The following MACF1 variants were observed in gnomAD, a reference collection of about 807,000 sequenced individuals.
MACF1 encodes microtubule actin crosslinking factor 1.
MACF1 carries 193 observed loss-of-function variants against 854.8 expected under a neutral mutation model. The observed-to-expected ratio is 0.23, with a 90% CI of 0.20 to 0.25. The LOEUF is 0.25. Among genes scored for constraint, MACF1 ranks in the 10% least tolerant of loss-of-function variants. The probability of loss-of-function intolerance (pLI) is 1.00; values close to 1 mark genes in which losing one functional copy is unlikely to be tolerated. For synonymous variants in MACF1, 3,185 were observed against 3,226.7 expected, an observed-to-expected ratio of 0.99 and a Z score of 0.44; for missense variants, 7,722 against 8,929.1, an observed-to-expected ratio of 0.86 and a Z score of 5.45.
chr1:39,218,960 T>G (rs1374032050), intron 1 of MACF1, among the ~76,000 whole-genome samples: 1 of 152,180 alleles, frequency 6.6e-6, no homozygotes, highest in African/African-American at 2.4e-5. Context: ...TTTGTACTTT[T>G]AGTGGAGACG....
intron 31 of MACF1, among the ~76,000 whole-genome samples, chr1:39,320,574 C>T (rs570500843): frequency 4.0e-4 from 61 of 152,254 alleles, no homozygotes; most frequent in African/African-American, 1.4e-3. Context: ...TGTCCAATGG[C>T]TTCATATCAT....
chr1:39,269,797 G>C, intron 6 of MACF1: 23 of 1,150,022 alleles, frequency 2.0e-5, no homozygotes, highest in South Asian at 2.9e-5. Context: ...GCTGAGTGTG[G>C]TGAGCAGTGA....
chr1:39,205,714 CTA>C (rs1278711929), intron 1 of MACF1, among the ~76,000 whole-genome samples: 1 of 152,090 alleles, frequency 6.6e-6, no homozygotes, highest in East Asian at 1.9e-4. Context: ...CACAGTTTGG[CTA>C]TGTGTATCCA....
intron 37 of MACF1, 70 bp downstream of exon 37, chr1:39,336,723 G>T: frequency 1.4e-6 from 2 of 1,402,182 alleles, no homozygotes; most frequent in East Asian, 2.4e-5. Context: ...TCTTAACTGG[G>T]TACAGAGTTT....
At chr1:39,457,104 T>TACCTATA (rs1275325482) in intron 89 of MACF1, 12 of 152,402 alleles carry the variant, frequency 7.9e-5, no homozygotes, top group African/African-American at 2.9e-4. Flanking sequence ...CTTTAGCTAT[T>TACCTATA]ACCTATAAAG....
chr1:39,420,864 ATTTTTT>A (rs922511626), intron 58 of MACF1, among the ~76,000 whole-genome samples: 5 of 133,274 alleles, frequency 3.8e-5, no homozygotes, highest in African/African-American at 1.5e-4. Context: ...GAGAAACCCA[ATTTTTT>A]TTTTTTTTTT....
chr1:39,164,618 C>G (rs1643865868), intron 2 of MACF1, among the ~76,000 whole-genome samples: 2 of 152,164 alleles, frequency 1.3e-5, no homozygotes. Context: ...ACCCTTTTCT[C>G]TTGTAGTGGT....
At chr1:39,176,191 T>C (rs1288845396) in intron 2 of MACF1, among the ~76,000 whole-genome samples, 1 of 142,610 alleles carries the variant, frequency 7.0e-6, no homozygotes, top group Non-Finnish European at 1.5e-5. Flanking sequence ...TGCAGGAGAA[T>C]CACTTGAACC....
At chr1:39,215,974 C>T (rs1644573206) in intron 1 of MACF1, among the ~76,000 whole-genome samples, 2 of 152,122 alleles carry the variant, frequency 1.3e-5, no homozygotes, top group Non-Finnish European at 2.9e-5. Context: ...GTCATGTTAG[C>T]TGTGACTTAG....
intron 40 of MACF1, among the ~76,000 whole-genome samples, chr1:39,343,153 TTC>T (rs1447610343): frequency 2.6e-5 from 4 of 152,166 alleles, no homozygotes; most frequent in Non-Finnish European, 5.9e-5. Context: ...CCCAATATTG[TTC>T]TCTTTTTTTG....
chr1:39,146,679 AGATG>A (rs1469036636), intron 2 of MACF1, among the ~76,000 whole-genome samples: 1 of 152,044 alleles, frequency 6.6e-6, no homozygotes, highest in Non-Finnish European at 1.5e-5. Flanking sequence ...GAGAGTAGAA[AGATG>A]GTTACCAGAA....
At chr1:39,101,678 G>C (rs1395975042) in intron 2 of MACF1, among the ~76,000 whole-genome samples, 1 of 150,904 alleles carries the variant, frequency 6.6e-6, no homozygotes, top group Admixed American at 6.6e-5. Context: ...AAAAAAATTA[G>C]CTGGGCATGG....
chr1:39,133,552 C>T (rs1314329084), intron 2 of MACF1, among the ~76,000 whole-genome samples: 2 of 152,046 alleles, frequency 1.3e-5, no homozygotes, highest in Non-Finnish European at 2.9e-5. Flanking sequence ...TCCTCCTCCT[C>T]CTTCTTCCTG....
In MACF1 at chr1:39,383,329, A is replaced by G. The variant is rs77134778; in HGVS notation, c.13848+1177A>G. ...GTAATTATTGAGTCCTATTTAGTCTACTTAACAAATATTTTTCTAATCCGG... is the reference window on the plus strand; with the variant it reads ...GTAATTATTGAGTCCTATTTAGTCTGCTTAACAAATATTTTTCTAATCCGG... On this transcript the variant is annotated intron_variant, in intron 56 of 100. Transcript: ENST00000564288. Among the ~76,000 whole-genome samples the G allele has an allele frequency of 1.2e-3, 182 of 152,264 alleles. 2 individuals carry two copies. The East Asian group carries it at 0.031, about 26-fold the overall frequency.
intron 47 of MACF1, among the ~76,000 whole-genome samples, chr1:39,360,052 TACAC>T (rs373864736): frequency 6.0e-5 from 3 of 49,862 alleles, no homozygotes; most frequent in Non-Finnish European, 7.8e-5. Context: ...TATATATATA[TACAC>T]ACACACACAC....
In MACF1 at chr1:39,300,369, A is replaced by G. The variant is rs41270803; in HGVS notation, c.2634+7A>G. 317,755 of 1,612,496 alleles carry G rather than the reference A, an allele frequency of 0.2. 33,175 individuals are homozygous for G. Among genetic ancestry groups the G allele is most frequent in the Non-Finnish European group, 0.21 (251,736 of 1,179,214 alleles). On this transcript the variant is annotated splice_region_variant and intron_variant, in intron 22 of 100. Transcript: ENST00000564288. ...TGACTACAGGCAGATCGAGGTGAGG[A>G]GGTAGAAAGGGTACCTCTGGGCCAC...
chr1:39,275,927 T>TC (rs397750361), intron 6 of MACF1, among the ~76,000 whole-genome samples: 46 of 122,404 alleles, frequency 3.8e-4, no homozygotes, highest in Admixed American at 9.5e-4. Flanking sequence ...TTCTTCTTCT[T>TC]TTTTTTTTTT....
chr1:39,434,406 T>G lies in MACF1; in HGVS notation c.17566-8T>G. ...TTATCCTTTTTTTTTTTTTTTTTGC[T>G]CACATAGGAAAAGACAGAGTCTCTA... is the stretch of plus-strand genomic sequence containing the variant. On this transcript the variant is annotated splice_region_variant and splice_polypyrimidine_tract_variant and intron_variant, in intron 68 of 100. Coordinates refer to ENST00000564288, the MANE Select transcript of MACF1 (RefSeq NM_001394062.1). 1 of 1,256,106 alleles carries G rather than the reference T, an allele frequency of 8.0e-7. No individual in the cohort carries two copies. The highest frequency in any genetic ancestry group is 1.1e-6 in the Non-Finnish European group (1 of 895,556). The allele number at this position is 1,256,106 out of a possible 1,614,324, so 77.8% of individuals were successfully genotyped here. A position where few individuals can be genotyped will look rare whatever the true frequency, so the allele number is the denominator to read the frequency against.
chr1:39,258,340 A>C (rs1645119272), intron 6 of MACF1, among the ~76,000 whole-genome samples: 1 of 152,166 alleles, frequency 6.6e-6, no homozygotes, highest in African/African-American at 2.4e-5. Flanking sequence ...CTCTTGAAGG[A>C]CTCAGAATAT....
Sources: gnomAD v4.1 joint callset for allele counts (sites outside exome capture counted in the v4.1 genomes callset) on GRCh38, gnomAD v4.1.1 for gene constraint, MANE v1.5 for transcripts, NCBI Gene and HGNC (gene_info 2026-07-23, HGNC 2026-07-21) for gene names.